Variants in FGF14 observed in about 807,000 individuals in gnomAD.
FGF14 encodes the protein fibroblast growth factor 14.
A neutral mutation model predicts 25.5 loss-of-function variants in FGF14; 5 were observed. The ratio of observed to expected loss-of-function variants is 0.20; its 90% CI spans 0.10 to 0.41. FGF14 has a LOEUF of 0.41. Ranked by LOEUF, FGF14 falls within the 10% of genes least tolerant of loss-of-function variation. The pLI is 1.00. For missense variants in FGF14, 222 were observed against 320.1 expected (o/e 0.69, Z 2.34); for synonymous variants, 138 against 118.3 (o/e 1.17, Z -1.08).
chr13:101,735,335 G>A (rs2036106855), intron 3 of FGF14, among the ~76,000 whole-genome samples: 1 of 152,050 alleles, frequency 6.6e-6, no homozygotes, highest in African/African-American at 2.4e-5. Flanking sequence ...TAGAAAATAT[G>A]TATTTTATGC....
intron 1 of FGF14, among the ~76,000 whole-genome samples, chr13:102,086,374 C>CA (rs2043900766): frequency 1.3e-5 from 2 of 152,076 alleles, no homozygotes; most frequent in South Asian, 4.2e-4. Context: ...ACTAAAAATA[C>CA]AAAATATTAG....
intron 1 of FGF14, among the ~76,000 whole-genome samples, chr13:102,305,080 G>A (rs2055299640): frequency 6.6e-6 from 1 of 152,154 alleles, no homozygotes; most frequent in Admixed American, 6.6e-5. Flanking sequence ...TGAGTCCTAT[G>A]ACAAAGAAAA....
chr13:101,830,902 T>C (rs1411560545), intron 3 of FGF14, among the ~76,000 whole-genome samples: 1 of 152,056 alleles, frequency 6.6e-6, no homozygotes, highest in African/African-American at 2.4e-5. Flanking sequence ...TCTTCATCTC[T>C]AAAGCCAGAA....
In FGF14 at chr13:102,198,347, C is replaced by T. The variant is rs141353657; in HGVS notation, c.208+203124G>A. Among the ~76,000 whole-genome samples the T allele has an allele frequency of 1.8e-3, 273 of 152,342 alleles. 1 individual carries two copies. Among genetic ancestry groups the T allele is most frequent in the Admixed American group, 2.9e-3 (44 of 15,302 alleles). On this transcript the variant is annotated intron_variant, in intron 1 of 4. Transcript: ENST00000376131. The stretch of plus-strand genomic sequence containing the variant: ...GTCTTCTGACTGTAGAATTCTCAGA[C>T]AAATGAATGCACACCAGTGCCAAAT...
At chr13:102,267,964 G>A (rs2053070165) in intron 1 of FGF14, among the ~76,000 whole-genome samples, 2 of 151,946 alleles carry the variant, frequency 1.3e-5, no homozygotes, top group African/African-American at 2.4e-5. Context: ...CAAAAAAAAA[G>A]AGTACATTCA....
upstream of FGF14, among the ~76,000 whole-genome samples, chr13:101,920,000 G>C (rs1300371052): frequency 2.0e-5 from 3 of 152,158 alleles, no homozygotes; most frequent in Admixed American, 6.5e-5. Flanking sequence ...CTTGGAGAGG[G>C]GGGCAGCATT....
intron 1 of FGF14, among the ~76,000 whole-genome samples, chr13:101,946,508 G>T (rs2035817669): frequency 6.6e-6 from 1 of 152,256 alleles, no homozygotes; most frequent in South Asian, 2.1e-4. Flanking sequence ...CAAAGGCAAT[G>T]CAGTCCATAT....
intron 1 of FGF14, among the ~76,000 whole-genome samples, chr13:102,187,058 G>C (rs2048906625): frequency 6.6e-6 from 1 of 152,310 alleles, no homozygotes; most frequent in South Asian, 2.1e-4. Flanking sequence ...TATTTAGGTA[G>C]AGTACATATG....
chr13:102,238,241 A>G (rs967324335), intron 1 of FGF14, among the ~76,000 whole-genome samples: 1 of 152,224 alleles, frequency 6.6e-6, no homozygotes, highest in Admixed American at 6.5e-5. Flanking sequence ...GATGAGATAA[A>G]GGTTAATCCA....
At chr13:102,147,091 G>A (rs976973112) in intron 1 of FGF14, among the ~76,000 whole-genome samples, 10 of 152,140 alleles carry the variant, frequency 6.6e-5, no homozygotes, top group Non-Finnish European at 1.0e-4. Flanking sequence ...CAATTTAGTG[G>A]TTATAAAGTA....
At chr13:102,282,865 A>C (rs1000519587) in intron 1 of FGF14, among the ~76,000 whole-genome samples, 3 of 152,174 alleles carry the variant, frequency 2.0e-5, no homozygotes, top group East Asian at 1.9e-4. Flanking sequence ...AAAAAAAAAA[A>C]AAAACCTCTC....
chr13:102,132,554 T>C (rs2046246591), intron 1 of FGF14, among the ~76,000 whole-genome samples: 1 of 150,934 alleles, frequency 6.6e-6, no homozygotes, highest in African/African-American at 2.4e-5. Context: ...CAGGCCTGAG[T>C]GCAGTGGCAT....
At chr13:102,038,817 TTTA>T (rs1299801752) in intron 1 of FGF14, among the ~76,000 whole-genome samples, 1 of 152,148 alleles carries the variant, frequency 6.6e-6, no homozygotes. Flanking sequence ...TGAAATTTTA[TTTA>T]TTAATACTTG....
intron 1 of FGF14, among the ~76,000 whole-genome samples, chr13:102,150,547 C>T (rs1035394517): frequency 2.0e-5 from 3 of 152,096 alleles, no homozygotes; most frequent in African/African-American, 4.8e-5. Flanking sequence ...CTATGATTCC[C>T]GATTCTATTT....
chr13:102,263,999 G>T (rs954425042), intron 1 of FGF14, among the ~76,000 whole-genome samples: 19 of 115,704 alleles, frequency 1.6e-4, no homozygotes, highest in African/African-American at 6.7e-4. Context: ...ACCCCTAGAG[G>T]TTTTCTCTTT....
intron 1 of FGF14, among the ~76,000 whole-genome samples, chr13:102,265,022 T>C (rs1354521211): frequency 2.0e-5 from 3 of 152,132 alleles, no homozygotes; most frequent in Non-Finnish European, 4.4e-5. Context: ...CACCCCAAAG[T>C]AATTAAAAAT....
intron 1 of FGF14, among the ~76,000 whole-genome samples, chr13:102,272,908 T>C (rs1223685345): frequency 6.6e-6 from 1 of 152,188 alleles, no homozygotes; most frequent in African/African-American, 2.4e-5. Flanking sequence ...GATAAGACTT[T>C]TAAAGATAGC....
At chr13:101,911,785 C>T (rs1382222288) in intron 1 of FGF14, among the ~76,000 whole-genome samples, 1 of 152,008 alleles carries the variant, frequency 6.6e-6, no homozygotes, top group Non-Finnish European at 1.5e-5. Context: ...TTATAATTAT[C>T]AAAAAGTTAG....
chr13:102,190,977 C>G (rs2049097579), intron 1 of FGF14, among the ~76,000 whole-genome samples: 1 of 152,000 alleles, frequency 6.6e-6, no homozygotes, highest in South Asian at 2.1e-4. Flanking sequence ...ACAAGCATAG[C>G]CATAAAAAAA....
Sources: gnomAD v4.1 joint callset for allele counts (sites outside exome capture counted in the v4.1 genomes callset) on GRCh38, gnomAD v4.1.1 for gene constraint, MANE v1.5 for transcripts, NCBI Gene and HGNC (gene_info 2026-07-23, HGNC 2026-07-21) for gene names.